SLC4A4: variants seen among roughly 807,000 people sequenced by gnomAD.
SLC4A4 encodes the protein solute carrier family 4 member 4.
A neutral mutation model predicts 111.5 loss-of-function variants in SLC4A4; 27 were observed. The observed-to-expected ratio is 0.24, with a 90% confidence interval of 0.18 to 0.33. The LOEUF is 0.33. Among genes scored for constraint, SLC4A4 ranks in the 10% least tolerant of loss-of-function variants. SLC4A4 has a pLI of 1.00. For synonymous variants in SLC4A4, 443 were observed against 463.4 expected (o/e 0.96, Z 0.57); for missense variants, 909 against 1,315.5 (o/e 0.69, Z 4.78).
intron 6 of SLC4A4, among the ~76,000 whole-genome samples, chr4:71,375,633 T>G (rs1209364355): frequency 6.6e-6 from 1 of 152,192 alleles, no homozygotes; most frequent in African/African-American, 2.4e-5. Flanking sequence ...TGAGTACATG[T>G]CTTATTCCCT....
At chr4:71,395,129 A>G (rs897009044) in intron 6 of SLC4A4, among the ~76,000 whole-genome samples, 3 of 152,110 alleles carry the variant, frequency 2.0e-5, no homozygotes, top group African/African-American at 7.2e-5. Context: ...CCTTTCTAAC[A>G]AGCGTACAGG....
chr4:71,134,382 A>C (rs1200043950), intron 2 of SLC4A4, among the ~76,000 whole-genome samples: 1 of 152,188 alleles, frequency 6.6e-6, no homozygotes, highest in East Asian at 1.9e-4. Flanking sequence ...AGATTAGCCT[A>C]TACTGTGGCC....
intron 12 of SLC4A4, among the ~76,000 whole-genome samples, chr4:71,462,696 G>T (rs4470595): frequency 0.044 from 6,705 of 151,990 alleles, 209 homozygotes; most frequent in East Asian, 0.12. Context: ...GGCGTGAGCC[G>T]CTATGCCCGG....
At chr4:71,263,409 A>G (rs1722012483) in intron 3 of SLC4A4, among the ~76,000 whole-genome samples, 1 of 152,166 alleles carries the variant, frequency 6.6e-6, no homozygotes, top group Non-Finnish European at 1.5e-5. Flanking sequence ...CTTCAGTATT[A>G]TCATTAGAGA....
chr4:71,567,070 C>T lies in SLC4A4; in HGVS notation c.*23C>T, dbSNP rs750479586. 2 of 1,609,034 alleles carry T rather than the reference C, an allele frequency of 1.2e-6. No homozygotes were observed. The highest frequency in any genetic ancestry group is 1.7e-6 in the Non-Finnish European group (2 of 1,176,848). On this transcript the variant is annotated 3_prime_UTR_variant, in exon 25 of 26. Transcript: ENST00000264485. ...TGATAAAATTCCTTTCCTTCAGTCA[C>T]TCGGTATGCCAAGGTAAAGGAGAGC...
chr4:71,297,406 T>C (rs1476266083), intron 3 of SLC4A4, among the ~76,000 whole-genome samples: 1 of 151,978 alleles, frequency 6.6e-6, no homozygotes, highest in African/African-American at 2.4e-5. Context: ...CTGAGATTGT[T>C]AGAAACTGTC....
chr4:71,469,199 C>G (rs1398805465), intron 13 of SLC4A4, among the ~76,000 whole-genome samples: 2 of 151,896 alleles, frequency 1.3e-5, no homozygotes, highest in Non-Finnish European at 2.9e-5. Flanking sequence ...GGTGAGGAAT[C>G]TGAAAGATGT....
intron 5 of SLC4A4, among the ~76,000 whole-genome samples, 156 bp from the exon 6 acceptor site, chr4:71,356,852 C>T (rs529865886): frequency 2.0e-5 from 3 of 152,238 alleles, no homozygotes; most frequent in Admixed American, 6.5e-5. Flanking sequence ...TCTGTGTACC[C>T]TGTGTCTTTA....
chr4:71,331,730 A>G (rs888048758), intron 3 of SLC4A4, among the ~76,000 whole-genome samples: 5 of 112,430 alleles, frequency 4.4e-5, no homozygotes, highest in Non-Finnish European at 7.2e-5. Context: ...TAAAGTATTG[A>G]AAAAAAAAAA....
At chr4:71,336,976 A>G (rs1229166424) in intron 3 of SLC4A4, among the ~76,000 whole-genome samples, 1 of 152,124 alleles carries the variant, frequency 6.6e-6, no homozygotes, top group African/African-American at 2.4e-5. Context: ...TGTCACTTGC[A>G]TTTATCTTTG....
intron 8 of SLC4A4, among the ~76,000 whole-genome samples, chr4:71,441,079 G>A (rs560417330): frequency 5.2e-4 from 79 of 152,190 alleles, no homozygotes; most frequent in African/African-American, 1.8e-3. Flanking sequence ...ATGAAAAAAG[G>A]TCTAAGAGTT....
intron 2 of SLC4A4, among the ~76,000 whole-genome samples, chr4:71,247,687 A>G (rs1001327030): frequency 5.3e-5 from 8 of 152,130 alleles, no homozygotes; most frequent in Non-Finnish European, 1.0e-4. Context: ...ACCAAAGAGA[A>G]ATGTTGGAAA....
chr4:71,531,173 T>G (rs1578125556), intron 16 of SLC4A4, among the ~76,000 whole-genome samples: 1 of 152,256 alleles, frequency 6.6e-6, no homozygotes, highest in East Asian at 1.9e-4. Context: ...TTAGTGCCAC[T>G]AGAGACTACA....
At chr4:71,375,091 A>T (rs142743472) in intron 6 of SLC4A4, among the ~76,000 whole-genome samples, 1 of 152,134 alleles carries the variant, frequency 6.6e-6, no homozygotes, top group African/African-American at 2.4e-5. Context: ...GCTTTTGTTC[A>T]TGTCCTTATT....
At chr4:71,265,673 C>T (rs1722191716) in intron 3 of SLC4A4, among the ~76,000 whole-genome samples, 1 of 152,116 alleles carries the variant, frequency 6.6e-6, no homozygotes, top group African/African-American at 2.4e-5. Context: ...CTCTACCTGC[C>T]TTATCTTTAG....
intron 1 of SLC4A4, among the ~76,000 whole-genome samples, chr4:71,205,634 T>C (rs1717708316): frequency 6.6e-6 from 1 of 152,186 alleles, no homozygotes; most frequent in African/African-American, 2.4e-5. Context: ...ATATTTAATA[T>C]TTAATACTGA....
At chr4:71,464,256 CTTG>C (rs1004022295) in intron 12 of SLC4A4, among the ~76,000 whole-genome samples, 21 of 152,338 alleles carry the variant, frequency 1.4e-4, no homozygotes, top group African/African-American at 4.1e-4. Flanking sequence ...GACCCAAAGA[CTTG>C]TTGTGTCACA....
intron 3 of SLC4A4, among the ~76,000 whole-genome samples, chr4:71,320,303 T>G (rs931431811): frequency 1.3e-5 from 2 of 152,162 alleles, no homozygotes; most frequent in African/African-American, 4.8e-5. Context: ...CAGTCTTAAA[T>G]TGACAGCGTG....
Position 71,147,718 on chromosome 4 carries a change from G to A in SLC4A4, c.-2+54926G>A, listed in dbSNP as rs545165282. 7.9e-4 allele frequency among the ~76,000 whole-genome samples: 121 copies of A among 152,262 alleles called. 2 individuals carry two copies. Among genetic ancestry groups the A allele is most frequent in the African/African-American group, 2.5e-3 (105 of 41,562 alleles). ...TTAAAATCAGTAGGATCTCACGGTT[G>A]TCCAGGTAGGGTCTTTCTGAGGAGG... is the stretch of plus-strand genomic sequence containing the variant. On this transcript the variant is annotated intron_variant, in intron 2 of 26. Coordinates refer to the SLC4A4 transcript ENST00000649996.
Sources: gnomAD v4.1 joint callset for allele counts (sites outside exome capture counted in the v4.1 genomes callset) on GRCh38, gnomAD v4.1.1 for gene constraint, MANE v1.5 for transcripts, NCBI Gene and HGNC (gene_info 2026-07-23, HGNC 2026-07-21) for gene names.